The following SHISA9 variants were observed in gnomAD, a reference collection of about 807,000 sequenced individuals.
SHISA9 encodes shisa family member 9.
SHISA9 carries 13 observed loss-of-function variants against 38.0 expected under a neutral mutation model. The observed-to-expected ratio is 0.34, with a 90% confidence interval of 0.22 to 0.54. The LOEUF is 0.54. Among genes scored for constraint, SHISA9 ranks in the 20% least tolerant of loss-of-function variants. SHISA9 has a pLI of 0.91. For synonymous variants in SHISA9, 275 were observed against 242.0 expected, an observed-to-expected ratio of 1.14 and a Z score of -1.27; for missense variants, 538 against 575.8, an observed-to-expected ratio of 0.93 and a Z score of 0.67.
At chr16:13,416,496 AC>A in the SHISA9 span, among the ~76,000 whole-genome samples, 1 of 152,162 alleles carries the variant, frequency 6.6e-6, no homozygotes, top group Non-Finnish European at 1.5e-5. Flanking sequence ...AGGATGTGAG[AC>A]ACCCAAGGGT....
chr16:13,492,596 G>C, the SHISA9 span, among the ~76,000 whole-genome samples: 2 of 152,252 alleles, frequency 1.3e-5, no homozygotes, highest in African/African-American at 4.8e-5. Context: ...ACTCCAAGAA[G>C]CCAGGGCCAT....
the SHISA9 span, among the ~76,000 whole-genome samples, chr16:13,440,036 G>A: frequency 6.6e-6 from 1 of 152,174 alleles, no homozygotes; most frequent in Non-Finnish European, 1.5e-5. Flanking sequence ...GTTCTGGGAG[G>A]GTCAAAGCCT....
the SHISA9 span, among the ~76,000 whole-genome samples, chr16:13,434,076 C>T: frequency 6.6e-6 from 1 of 152,180 alleles, no homozygotes; most frequent in Admixed American, 6.5e-5. Context: ...GTGCAGCCTT[C>T]AGTCTGTGGT....
At chr16:12,911,308 T>G in intron 1 of SHISA9, 1 of 985,450 alleles carries the variant, frequency 1.0e-6, no homozygotes, top group Non-Finnish European at 1.2e-6. Flanking sequence ...CGCCAAATTC[T>G]TAGGCATTTG....
At chr16:13,479,837 G>A in the SHISA9 span, among the ~76,000 whole-genome samples, 1 of 152,160 alleles carries the variant, frequency 6.6e-6, no homozygotes, top group Non-Finnish European at 1.5e-5. Flanking sequence ...ATTCCCATGT[G>A]TGTGAAAATT....
chr16:13,125,804 T>G (rs1251168054), intron 2 of SHISA9, among the ~76,000 whole-genome samples: 4 of 152,204 alleles, frequency 2.6e-5, no homozygotes, highest in Non-Finnish European at 2.9e-5. Context: ...TGTAAGAACA[T>G]CACAAGTGCT....
At chr16:13,434,425 T>TTTTGTTGTTTGTTTTG in the SHISA9 span, among the ~76,000 whole-genome samples, 75 of 132,370 alleles carry the variant, frequency 5.7e-4, 1 homozygote, top group East Asian at 0.017. Flanking sequence ...CTATGTTTTT[T>TTTTGTTGTTTGTTTTG]TTTTTTTTTT....
chr16:12,904,214 T>G (rs2071062968), intron 1 of SHISA9, among the ~76,000 whole-genome samples: 1 of 152,156 alleles, frequency 6.6e-6, no homozygotes, highest in Admixed American at 6.5e-5. Flanking sequence ...AGAAGTGGTC[T>G]CAGGACTGAG....
At chr16:13,373,577 A>C in the SHISA9 span, among the ~76,000 whole-genome samples, 1 of 152,166 alleles carries the variant, frequency 6.6e-6, no homozygotes, top group Non-Finnish European at 1.5e-5. Context: ...CCTGGCTAAC[A>C]TGGTGAAACT....
At chr16:13,367,712 G>GCGTACACACACA in the SHISA9 span, among the ~76,000 whole-genome samples, 7 of 104,640 alleles carry the variant, frequency 6.7e-5, no homozygotes, top group Non-Finnish European at 9.9e-5. Flanking sequence ...GCGCGCGCGC[G>GCGTACACACACA]CACACACACA....
At chr16:13,183,490 A>C (rs954739201) in intron 2 of SHISA9, among the ~76,000 whole-genome samples, 2 of 152,252 alleles carry the variant, frequency 1.3e-5, no homozygotes, top group Non-Finnish European at 2.9e-5. Flanking sequence ...TAAAAGGCAT[A>C]AAATGCTTTT....
the SHISA9 span, among the ~76,000 whole-genome samples, chr16:13,356,580 C>T: frequency 4.0e-4 from 61 of 152,130 alleles, no homozygotes; most frequent in African/African-American, 1.4e-3. Flanking sequence ...GGAGCAGAGG[C>T]TGAGGAAGGA....
At chr16:13,486,213 T>A in the SHISA9 span, among the ~76,000 whole-genome samples, 1 of 152,198 alleles carries the variant, frequency 6.6e-6, no homozygotes, top group Non-Finnish European at 1.5e-5. Context: ...TTGGTATGTA[T>A]GTATGCTTTC....
intron 1 of SHISA9, chr16:12,908,575 A>C (rs533708911): frequency 6.4e-7 from 1 of 1,551,836 alleles, no homozygotes; most frequent in Non-Finnish European, 8.7e-7. Flanking sequence ...AAACCTGGAC[A>C]GTCTGAGTGC....
rs530747922 is a variant in SHISA9, at chr16:12,930,844, T to C, written c.691+14029T>C. ...AAACACAGAGAGAGGAAGTGATAGGTACAAAGGGAAAAAAACCCATAACAA... is the reference window on the plus strand; with the variant it reads ...AAACACAGAGAGAGGAAGTGATAGGCACAAAGGGAAAAAAACCCATAACAA... On this transcript the variant is annotated intron_variant, in intron 2 of 4. Coordinates refer to ENST00000558583, the MANE Select transcript of SHISA9 (RefSeq NM_001145204.3). 1.9e-4 allele frequency among the ~76,000 whole-genome samples: 29 copies of C among 152,050 alleles called. No individual in the cohort carries two copies. The South Asian group carries it at 5.8e-3, about 31-fold the overall frequency.
the SHISA9 span, among the ~76,000 whole-genome samples, chr16:13,368,283 G>A: frequency 5.3e-5 from 8 of 152,098 alleles, no homozygotes; most frequent in African/African-American, 1.2e-4. Context: ...GGTGAGAAAA[G>A]GGGGATTTCA....
downstream of SHISA9, among the ~76,000 whole-genome samples, chr16:13,242,529 CTCA>C (rs1469718415): frequency 3.3e-5 from 5 of 152,186 alleles, no homozygotes; most frequent in African/African-American, 1.2e-4. Context: ...GACAGGAACT[CTCA>C]TCATCCGGCT....
chr16:13,073,350 A>G (rs2073541466), intron 2 of SHISA9, among the ~76,000 whole-genome samples: 1 of 151,916 alleles, frequency 6.6e-6, no homozygotes, highest in Admixed American at 6.6e-5. Context: ...AGTCTTTGCC[A>G]TCTTTCACAG....
chr16:13,073,014 C>T lies in SHISA9; in HGVS notation c.692-130380C>T, dbSNP rs569566434. On this transcript the variant is annotated intron_variant, in intron 2 of 4. Transcript: ENST00000558583. ...CTACTTTGCCCAGGCTGGTCTTGAA[C>T]TCCTGAGCTTGAGTGATCCTCCTGT... is the stretch of plus-strand genomic sequence containing the variant. 4.6e-5 allele frequency among the ~76,000 whole-genome samples: 7 copies of T among 152,272 alleles called. No homozygotes were observed. The South Asian group carries it at 6.2e-4, about 14-fold the overall frequency.
Sources: allele counts gnomAD v4.1 joint callset (sites outside exome capture counted in the v4.1 genomes callset), GRCh38; gene constraint gnomAD v4.1.1; transcripts MANE v1.5; gene names NCBI Gene and HGNC (gene_info 2026-07-23, HGNC 2026-07-21).